ELAVL3: variants seen among roughly 807,000 people sequenced by gnomAD.
ELAVL3 encodes ELAV-like protein 3.
In ELAVL3, 8 loss-of-function variants were observed where a neutral mutation model predicts 34.2. That is an observed-to-expected ratio of 0.23 (90% CI 0.14 to 0.42). The LOEUF (loss-of-function observed/expected upper bound fraction) is 0.42. Among genes scored for constraint, ELAVL3 ranks in the 10% least tolerant of loss-of-function variants. The probability of loss-of-function intolerance (pLI) is 1.00; values close to 1 mark genes in which losing one functional copy is unlikely to be tolerated. For missense variants in ELAVL3, 273 were observed against 518.8 expected (o/e 0.53, Z 4.60); for synonymous variants, 209 against 222.1 (o/e 0.94, Z 0.53).
chr19:11,476,525 G>C (rs1227387951), intron 1 of ELAVL3, among the ~76,000 whole-genome samples: 1 of 151,232 alleles, frequency 6.6e-6, no homozygotes, highest in Non-Finnish European at 1.5e-5. Flanking sequence ...GCCTAGGCGA[G>C]AGGGTGAGAC....
intron 6 of ELAVL3, 54 bp downstream of exon 6, chr19:11,457,056 C>T (rs1331790130): frequency 1.5e-6 from 2 of 1,332,884 alleles, no homozygotes; most frequent in African/African-American, 1.6e-5. Context: ...GGGAGGGGTG[C>T]ATCAGGGGCA....
intron 1 of ELAVL3, among the ~76,000 whole-genome samples, chr19:11,475,653 AC>A (rs1971249112): frequency 7.1e-6 from 1 of 141,354 alleles, no homozygotes; most frequent in Non-Finnish European, 1.5e-5. Flanking sequence ...TTGCTGTGTC[AC>A]CCAGGCTGCA....
intron 1 of ELAVL3, among the ~76,000 whole-genome samples, chr19:11,478,429 C>A (rs147425395): frequency 1.3e-5 from 2 of 152,154 alleles, no homozygotes; most frequent in Non-Finnish European, 2.9e-5. Flanking sequence ...CCTGCCCCAG[C>A]CTGCAGTAAG....
intron 3 of ELAVL3, among the ~76,000 whole-genome samples, chr19:11,465,079 A>G (rs558952044): frequency 1.7e-3 from 187 of 110,992 alleles, no homozygotes; most frequent in Non-Finnish European, 2.6e-3. Flanking sequence ...CACACCCCAC[A>G]CAGACACACA....
chr19:11,457,204 G>C, intron 5 of ELAVL3, 56 bp from the exon 6 acceptor site: 6 of 1,512,672 alleles, frequency 4.0e-6, no homozygotes, highest in Non-Finnish European at 5.3e-6. Flanking sequence ...CCCCTGCTGT[G>C]ACACCGTCGG....
intron 1 of ELAVL3, among the ~76,000 whole-genome samples, chr19:11,474,432 T>C (rs55916803): frequency 6.6e-6 from 1 of 152,060 alleles, no homozygotes; most frequent in African/African-American, 2.4e-5. Context: ...CTGTCTCTAC[T>C]AAAAATACAA....
chr19:11,473,686 T>A (rs1408360168), intron 1 of ELAVL3, among the ~76,000 whole-genome samples: 6 of 152,208 alleles, frequency 3.9e-5, no homozygotes, highest in Non-Finnish European at 8.8e-5. Context: ...TGAGATATTT[T>A]AAAAATTGCC....
intron 3 of ELAVL3, among the ~76,000 whole-genome samples, chr19:11,465,179 T>C (rs1195164461): frequency 4.4e-5 from 4 of 90,778 alleles, no homozygotes; most frequent in Admixed American, 1.3e-4. Context: ...CACACACACA[T>C]ACACGTAATA....
chr19:11,457,460 G>A (rs888389540), intron 5 of ELAVL3, among the ~76,000 whole-genome samples: 25 of 152,212 alleles, frequency 1.6e-4, no homozygotes, highest in African/African-American at 6.0e-4. Context: ...TAACAAAGGC[G>A]ACAGTAACTA....
rs950823031 is a variant in ELAVL3 at position 11,451,494 on chromosome 19, C to CTTTTTTTTTTTTTTTT, written c.*3016_*3031dup. 3.1e-5 allele frequency: 2 copies of CTTTTTTTTTTTTTTTT among 65,532 alleles called. No homozygotes were observed. Among genetic ancestry groups the CTTTTTTTTTTTTTTTT allele is most frequent in the Non-Finnish European group, 6.0e-5 (2 of 33,100 alleles). 4.1% of individuals were successfully genotyped at this position (65,532 alleles called of 1,614,324 possible). A position where few individuals can be genotyped will look rare whatever the true frequency, so the allele number is the denominator to read the frequency against. ...TTTTTTTTTTTGTCTTTTGTTTTGT[C>CTTTTTTTTTTTTTTTT]TTTTTTTTTTTTTTTTTTTTTACAG... On this transcript the variant is annotated 3_prime_UTR_variant, in exon 7 of 7. Transcript: ENST00000359227.
chr19:11,474,777 A>G (rs1483181047), intron 1 of ELAVL3, among the ~76,000 whole-genome samples: 1 of 152,096 alleles, frequency 6.6e-6, no homozygotes, highest in East Asian at 1.9e-4. Context: ...TCAGCCTCTC[A>G]AGTAGCTATG....
chr19:11,480,543 G>T lies in ELAVL3; in HGVS notation c.9+57C>A. The T allele has an allele frequency of 3.3e-6, 5 of 1,502,094 alleles. No homozygotes were observed. Among genetic ancestry groups the T allele is most frequent in the Non-Finnish European group, 4.4e-6 (5 of 1,125,632 alleles). The allele number at this position is 1,502,094 out of a possible 1,614,324, so 93.0% of individuals were successfully genotyped here. A position where few individuals can be genotyped will look rare whatever the true frequency, so the allele number is the denominator to read the frequency against. On this transcript the variant is annotated intron_variant, in intron 1 of 6. Coordinates refer to ENST00000359227, the MANE Select transcript of ELAVL3 (RefSeq NM_001420.4). The surrounding 1 kb of genome is among the most constrained non-coding windows in gnomAD (Gnocchi z 6.8). ...GCCGCACCCGCCCAATCTCCGCGGAGCCTGGGCCCAACTCCTCCCCGTCCC... is the reference window on the plus strand; with the variant it reads ...GCCGCACCCGCCCAATCTCCGCGGATCCTGGGCCCAACTCCTCCCCGTCCC...
At chr19:11,478,865 G>C (rs371105845) in intron 1 of ELAVL3, among the ~76,000 whole-genome samples, 6 of 152,098 alleles carry the variant, frequency 3.9e-5, no homozygotes, top group African/African-American at 1.4e-4. Flanking sequence ...GGATACCGGC[G>C]ACAATAGGGC....
chr19:11,478,374 G>A (rs990833783), intron 1 of ELAVL3, among the ~76,000 whole-genome samples: 4 of 152,116 alleles, frequency 2.6e-5, no homozygotes, highest in Non-Finnish European at 4.4e-5. Context: ...TGGCTGAGCC[G>A]GCTGAGCTGA....
At position 11,480,879 on chromosome 19, in the gene ELAVL3, C is replaced by A. The variant is rs1281850621; in HGVS notation, c.-271G>T. 3 of 352,292 alleles carry A rather than the reference C, an allele frequency of 8.5e-6. No individual in the cohort carries two copies. Among genetic ancestry groups the A allele is most frequent in the East Asian group, 4.2e-5 (1 of 23,820 alleles). The allele number at this position is 352,292 out of a possible 1,614,324, so 21.8% of individuals were successfully genotyped here. On this transcript the variant is annotated 5_prime_UTR_variant, in exon 1 of 7. Coordinates refer to ENST00000359227, the MANE Select transcript of ELAVL3 (RefSeq NM_001420.4). This position sits in a 1 kb window ranked among gnomAD's most constrained non-coding sequence, Gnocchi z 6.8. The stretch of plus-strand genomic sequence containing the variant: ...GGCGCGGGGTTGAGGACGCCCCCTG[C>A]GCGGCCCCGCGGGGCCCGGGGAGGT...
chr19:11,469,788 T>G (rs1001829704), intron 1 of ELAVL3, among the ~76,000 whole-genome samples: 4 of 152,234 alleles, frequency 2.6e-5, no homozygotes, highest in African/African-American at 9.6e-5. Flanking sequence ...CTGGGTACAG[T>G]GACTTACGCC....
chr19:11,480,696 GT>G lies in ELAVL3; in HGVS notation c.-89del. The G allele has an allele frequency of 7.8e-7, 1 of 1,276,164 alleles. No individual in the cohort carries two copies. The highest frequency in any genetic ancestry group is 1.0e-6 in the Non-Finnish European group (1 of 979,366). The allele number at this position is 1,276,164 out of a possible 1,614,324, so 79.1% of individuals were successfully genotyped here. The stretch of plus-strand genomic sequence containing the variant: ...GGGGGCGCCCGATGCTCACGCTGGG[GT>G]CCCGCCCGGGCGGCCTCTGGTGCGG... On this transcript the variant is annotated 5_prime_UTR_variant, in exon 1 of 7. Coordinates refer to ENST00000359227, the MANE Select transcript of ELAVL3 (RefSeq NM_001420.4). This position sits in a 1 kb window ranked among gnomAD's most constrained non-coding sequence, Gnocchi z 6.8.
chr19:11,479,809 G>A (rs1195386848), intron 1 of ELAVL3, among the ~76,000 whole-genome samples: 1 of 151,672 alleles, frequency 6.6e-6, no homozygotes, highest in African/African-American at 2.4e-5. Context: ...CGCGCTCAAG[G>A]TCACCTCGCG....
At chr19:11,464,741 CACAT>C (rs1224754608) in intron 3 of ELAVL3, among the ~76,000 whole-genome samples, 1 of 64,328 alleles carries the variant, frequency 1.6e-5, no homozygotes, top group Non-Finnish European at 3.2e-5. Context: ...ACACACCACA[CACAT>C]ACACCACACA....
Sources: gnomAD v4.1 joint callset for allele counts (sites outside exome capture counted in the v4.1 genomes callset) on GRCh38, gnomAD v4.1.1 for gene constraint, Gnocchi (gnomAD v3.1) non-coding constraint, MANE v1.5 for transcripts, NCBI Gene and HGNC (gene_info 2026-07-23, HGNC 2026-07-21) for gene names.